LRRC9: variants seen among roughly 807,000 people sequenced by gnomAD.
LRRC9 encodes the protein leucine rich repeat containing 9.
LRRC9 carries 122 observed loss-of-function variants against 63.2 expected under a neutral mutation model. The observed-to-expected ratio is 1.93, with a 90% confidence interval of 1.67 to 2.24. The LOEUF (loss-of-function observed/expected upper bound fraction) is 2.24, where lower values mean the gene tolerates loss of function less well. LRRC9 is among the 30% of genes most tolerant of loss of function. The pLI is 0.00. For synonymous variants in LRRC9, 366 were observed against 213.1 expected (o/e 1.72, Z -6.25); for missense variants, 1,071 against 627.7 (o/e 1.71, Z -7.55).
At chr14:59,999,840 G>C (rs932647108) in intron 19 of LRRC9, among the ~76,000 whole-genome samples, 4 of 151,616 alleles carry the variant, frequency 2.6e-5, no homozygotes, top group Admixed American at 6.6e-5. Context: ...ATTTTTTATT[G>C]ATAAAAAATA....
intron 15 of LRRC9, among the ~76,000 whole-genome samples, chr14:59,980,872 A>G (rs561229503): frequency 5.3e-5 from 8 of 152,226 alleles, no homozygotes; most frequent in Non-Finnish European, 1.2e-4. Context: ...TGACCATTCA[A>G]TGATGTCAGC....
At chr14:60,013,728 C>G (rs1270281045) in intron 23 of LRRC9, among the ~76,000 whole-genome samples, 3 of 152,022 alleles carry the variant, frequency 2.0e-5, no homozygotes, top group Non-Finnish European at 4.4e-5. Context: ...TGAAGCCACT[C>G]CTGCTTTCTC....
intron 1 of LRRC9, among the ~76,000 whole-genome samples, chr14:59,921,037 G>T (rs1182865115): frequency 6.6e-6 from 1 of 152,160 alleles, no homozygotes; most frequent in African/African-American, 2.4e-5. Flanking sequence ...ACAAGAAAGA[G>T]AATGCTTATA....
At chr14:59,967,251 T>C (rs772500888) in intron 12 of LRRC9, 38 bp downstream of exon 12, 1 of 544,172 alleles carries the variant, frequency 1.8e-6, no homozygotes, top group Non-Finnish European at 3.5e-6. Flanking sequence ...GCTTTCTTCC[T>C]AGCAAGTGGA....
intron 31 of LRRC9, among the ~76,000 whole-genome samples, chr14:60,061,036 T>G (rs1894627693): frequency 3.3e-5 from 5 of 152,230 alleles, no homozygotes; most frequent in Admixed American, 3.3e-4. Context: ...GAGGAGTTGC[T>G]TCTTATGGAG....
At chr14:59,951,877 T>G (rs373008372) in intron 8 of LRRC9, among the ~76,000 whole-genome samples, 96 of 152,072 alleles carry the variant, frequency 6.3e-4, no homozygotes, top group African/African-American at 1.7e-3. Context: ...CCAGCTGCGT[T>G]CTGGGAGAAC....
chr14:59,935,136 A>G lies in LRRC9; in HGVS notation c.543+3097A>G, dbSNP rs865777501. 3.2e-3 allele frequency among the ~76,000 whole-genome samples: 484 copies of G among 151,120 alleles called. 1 individual carries two copies. The highest frequency in any genetic ancestry group is 0.011 in the African/African-American group (444 of 41,332). ...CCTTGTTTCTACTAAAAAAAAAAAA[A>G]AAAAAAAATAGCCAGGCGTGGTGGT... On this transcript the variant is annotated intron_variant, in intron 6 of 31. Coordinates refer to ENST00000445360, the Ensembl canonical transcript of LRRC9.
At chr14:59,960,700 C>A (rs1884263199) in intron 9 of LRRC9, among the ~76,000 whole-genome samples, 2 of 152,138 alleles carry the variant, frequency 1.3e-5, no homozygotes, top group South Asian at 4.1e-4. Context: ...AGTCTTCTAG[C>A]CTTCACATAT....
chr14:60,038,209 A>C (rs111878187), intron 29 of LRRC9, among the ~76,000 whole-genome samples: 3 of 152,268 alleles, frequency 2.0e-5, no homozygotes, highest in African/African-American at 7.2e-5. Context: ...TGATGCCTCC[A>C]GCTTTGTTCT....
chr14:60,048,696 T>C (rs536578550), intron 29 of LRRC9, among the ~76,000 whole-genome samples: 1 of 152,222 alleles, frequency 6.6e-6, no homozygotes, highest in African/African-American at 2.4e-5. Context: ...ATTTACAGCT[T>C]AATTCCAGAG....
At chr14:60,013,602 A>G (rs893466820) in intron 23 of LRRC9, among the ~76,000 whole-genome samples, 2 of 151,998 alleles carry the variant, frequency 1.3e-5, no homozygotes, top group African/African-American at 4.8e-5. Context: ...TTGTTGGTGC[A>G]TACACGTTTA....
chr14:60,035,924 T>A (rs76856909), intron 29 of LRRC9, among the ~76,000 whole-genome samples: 1 of 148,944 alleles, frequency 6.7e-6, no homozygotes, highest in Admixed American at 6.9e-5. Context: ...AGTATTGTCA[T>A]TTTTTTTAAC....
At chr14:59,987,600 C>T (rs576674670) in intron 17 of LRRC9, among the ~76,000 whole-genome samples, 1 of 151,598 alleles carries the variant, frequency 6.6e-6, no homozygotes, top group East Asian at 1.9e-4. Context: ...ATATGCCTCC[C>T]ATCTTCTATA....
chr14:59,973,704 A>G (rs1265568410), intron 12 of LRRC9, among the ~76,000 whole-genome samples: 1 of 152,058 alleles, frequency 6.6e-6, no homozygotes, highest in African/African-American at 2.4e-5. Context: ...AATATTTTCA[A>G]TCCATGGTTG....
intron 29 of LRRC9, among the ~76,000 whole-genome samples, chr14:60,038,714 C>A (rs950689673): frequency 7.2e-5 from 11 of 152,046 alleles, no homozygotes; most frequent in Non-Finnish European, 1.3e-4. Flanking sequence ...ATCTGCAAAC[C>A]GGGACAATTT....
At chr14:59,977,603 T>TGTGTGTG (rs1886441103) in intron 14 of LRRC9, among the ~76,000 whole-genome samples, 1 of 151,000 alleles carries the variant, frequency 6.6e-6, no homozygotes, top group African/African-American at 2.4e-5. Context: ...TGTGTGTGTG[T>TGTGTGTG]TCATTTTCAA....
intron 28 of LRRC9, 97 bp downstream of exon 28, chr14:60,028,198 G>A: frequency 1.6e-6 from 1 of 613,506 alleles, no homozygotes; most frequent in Non-Finnish European, 2.9e-6. Context: ...AATGTTGCTA[G>A]TATATTATTT....
At chr14:60,049,111 C>G (rs1330624352) in intron 29 of LRRC9, among the ~76,000 whole-genome samples, 1 of 152,090 alleles carries the variant, frequency 6.6e-6, no homozygotes, top group African/African-American at 2.4e-5. Context: ...TCTCAATAAA[C>G]TAGTTATTGA....
chr14:60,038,437 T>G (rs1267316556), intron 29 of LRRC9, among the ~76,000 whole-genome samples: 2 of 152,202 alleles, frequency 1.3e-5, no homozygotes, highest in African/African-American at 4.8e-5. Context: ...CCTCTTTTAT[T>G]TCTTTTAGCA....
Sources: allele counts gnomAD v4.1 joint callset (sites outside exome capture counted in the v4.1 genomes callset), GRCh38; gene constraint gnomAD v4.1.1; transcripts MANE v1.5; gene names NCBI Gene and HGNC (gene_info 2026-07-23, HGNC 2026-07-21).